Variants in C16orf96 observed in about 807,000 individuals in gnomAD.
C16orf96 encodes chromosome 16 open reading frame 96, also known as uncharacterized protein C16orf96.
Under a neutral mutation model 103.6 loss-of-function variants are expected in C16orf96, and 108 were observed. That is an observed-to-expected ratio of 1.04 (90% CI 0.89 to 1.22). The LOEUF (loss-of-function observed/expected upper bound fraction) is 1.22, where lower values mean the gene tolerates loss of function less well. Ranked by LOEUF, C16orf96 falls within the 50% of genes most tolerant of loss-of-function variation. The pLI, the probability that C16orf96 is intolerant of heterozygous loss-of-function variation, is 0.00. For synonymous variants in C16orf96, 566 were observed against 593.5 expected, an observed-to-expected ratio of 0.95 and a Z score of 0.67; for missense variants, 1,586 against 1,464.2, an observed-to-expected ratio of 1.08 and a Z score of -1.36.
chr16:4,586,118 G>C (rs1255413924), intron 7 of C16orf96, among the ~76,000 whole-genome samples: 1 of 152,174 alleles, frequency 6.6e-6, no homozygotes. Flanking sequence ...AACTTAGCCA[G>C]GCGTGGTGTT....
chr16:4,574,899 G>T (rs552114198), intron 3 of C16orf96, 73 bp from the exon 4 acceptor site: 8 of 1,527,258 alleles, frequency 5.2e-6, no homozygotes, highest in Admixed American at 2.0e-5. Flanking sequence ...AGCCTGGAAA[G>T]GTTTCTTTGC....
Position 4,576,617 on chromosome 16 carries a change from C to A in C16orf96, c.2137C>A (p.Gln713Lys), listed in dbSNP as rs971143641. ...TGCCCAGCTGTCCTGTAACCTGAAC[C>A]AGCGCTTGAGTTATCTAGGTAGGCC... is the stretch of plus-strand genomic sequence containing the variant. ...EFAQLSCNLN[Q>K]RLSYLANMGG... The change falls in exon 5 of 16, where the codon CAG becomes AAG. Residue 713 changes from glutamine (Q) to lysine (K), a missense_variant. Coordinates refer to ENST00000444310, the MANE Select transcript of C16orf96 (RefSeq NM_001145011.2). 10 of 1,551,040 alleles carry A rather than the reference C, an allele frequency of 6.4e-6. No homozygotes were observed. In the African/African-American group the frequency reaches 1.1e-4, roughly 17 times the overall value.
rs753681940 is a variant in C16orf96, at chr16:4,593,262, G to A, written c.2813G>A (p.Arg938Gln). The A allele has an allele frequency of 2.0e-5, 31 of 1,550,872 alleles. No homozygotes were observed. The East Asian group carries it at 4.4e-4, about 22-fold the overall frequency. ...ITIRKAHLLS[R>Q]LRPASANSCE... Reference sequence around the variant, plus strand: ...ATCCGCAAAGCCCACCTGCTGTCCCGGCTGCGGCCAGCCAGCGCCAACAGC... The same window carrying A: ...ATCCGCAAAGCCCACCTGCTGTCCCAGCTGCGGCCAGCCAGCGCCAACAGC... Residue 938 changes from arginine to glutamine, a missense_variant, in exon 12 of 16, where the codon CGG becomes CAG. Transcript: ENST00000444310. This position sits in a 1 kb window ranked among gnomAD's most constrained non-coding sequence, Gnocchi z 4.2.
In C16orf96 at chr16:4,575,013, G is replaced by C. The variant is rs1472560083; in HGVS notation, c.648G>C (p.Glu216Asp). Residue 216 changes from glutamate (E) to aspartate (D), a missense_variant, in exon 4 of 16, where the codon GAG (glutamate) becomes GAC (aspartate). Transcript: ENST00000444310. The stretch of plus-strand genomic sequence containing the variant: ...AGTTTAAAACCATCCCCAAAACCGA[G>C]GACATGGTGCTCTGGAGTGGCCTTC... Reference protein sequence around the residue: ...QNKFKTIPKTEDMVLWSGLHD... With the variant: ...QNKFKTIPKTDDMVLWSGLHD... The C allele has an allele frequency of 2.6e-6, 4 of 1,551,510 alleles. No individual in the cohort carries two copies. The South Asian group carries it at 4.8e-5, about 18-fold the overall frequency.
In C16orf96 at chr16:4,585,291, C is replaced by CAAA. The variant is rs1555506767; in HGVS notation, c.2353-1729_2353-1727dup. ...CAACATAGTGAGACCCCTGTCTCTA[C>CAAA]AAAAAAAAAAAAAAAAAAAAATCCA... On this transcript the variant is annotated intron_variant, in intron 7 of 15. Coordinates refer to ENST00000444310, the MANE Select transcript of C16orf96 (RefSeq NM_001145011.2). Among the ~76,000 whole-genome samples the CAAA allele has an allele frequency of 3.6e-3, 62 of 17,146 alleles. 2 individuals carry two copies. Among genetic ancestry groups the CAAA allele is most frequent in the Admixed American group, 9.3e-3 (9 of 970 alleles). 11.2% of individuals were successfully genotyped at this position (17,146 alleles called of 152,430 possible).
At chr16:4,572,444 C>T (rs953539156) in intron 2 of C16orf96, among the ~76,000 whole-genome samples, 13 of 151,728 alleles carry the variant, frequency 8.6e-5, no homozygotes, top group East Asian at 1.9e-4. Flanking sequence ...GGACTACAGG[C>T]GCCCGCCCCC....
the C16orf96 span, among the ~76,000 whole-genome samples, chr16:4,543,771 A>G: frequency 1.3e-5 from 2 of 151,956 alleles, no homozygotes; most frequent in African/African-American, 4.8e-5. Context: ...CCATCCAAGT[A>G]GCTGGAATTA....
intron 7 of C16orf96, among the ~76,000 whole-genome samples, chr16:4,580,347 A>G (rs1249368229): frequency 7.7e-6 from 1 of 130,396 alleles, no homozygotes; most frequent in Admixed American, 9.5e-5. Context: ...GGCCGGGACA[A>G]TGTTCGTCTT....
chr16:4,550,047 A>G, the C16orf96 span, among the ~76,000 whole-genome samples: 3 of 151,074 alleles, frequency 2.0e-5, no homozygotes, highest in East Asian at 5.8e-4. Flanking sequence ...CTGTTTCTGT[A>G]TCTTCTGTTA....
chr16:4,561,595 G>A (rs913519212), intron 1 of C16orf96: 2 of 152,278 alleles, frequency 1.3e-5, no homozygotes, highest in African/African-American at 4.8e-5. Context: ...AGGGGCTCGT[G>A]GACAGGTTCA....
chr16:4,581,526 A>G (rs1474761380), intron 7 of C16orf96, among the ~76,000 whole-genome samples: 2 of 151,018 alleles, frequency 1.3e-5, no homozygotes, highest in Non-Finnish European at 1.5e-5. Flanking sequence ...CCAGCTACTC[A>G]GGAGGCTGAG....
At chr16:4,550,828 C>G in the C16orf96 span, among the ~76,000 whole-genome samples, 6 of 152,216 alleles carry the variant, frequency 3.9e-5, no homozygotes, top group African/African-American at 1.4e-4. Flanking sequence ...TATATTCAGG[C>G]CAGATTTTTT....
the C16orf96 span, among the ~76,000 whole-genome samples, chr16:4,547,572 A>G: frequency 2.0e-5 from 3 of 152,082 alleles, no homozygotes; most frequent in Non-Finnish European, 2.9e-5. Flanking sequence ...GCTAATGGGT[A>G]CAGGTTTTCT....
At chr16:4,587,974 T>C (rs1896968082) in intron 8 of C16orf96, among the ~76,000 whole-genome samples, 193 bp from the exon 9 acceptor site, 4 of 152,092 alleles carry the variant, frequency 2.6e-5, no homozygotes, top group Admixed American at 1.3e-4. Flanking sequence ...TCAACTTCCC[T>C]GTTATAGGAA....
chr16:4,600,193 T>C lies in C16orf96; in HGVS notation c.3302T>C (p.Leu1101Pro). The change falls in exon 16 of 16, where the codon CTG becomes CCG. Residue 1101 changes from leucine (L) to proline (P), a missense_variant. Coordinates refer to ENST00000444310, the MANE Select transcript of C16orf96 (RefSeq NM_001145011.2). Reference sequence around the variant, plus strand: ...CCTTCCCTGCCACCTCTGCTGCTGCTGCCACCGCTGATTCCATCCCTAAGG... The same window carrying C: ...CCTTCCCTGCCACCTCTGCTGCTGCCGCCACCGCTGATTCCATCCCTAAGG... ...RPPSLPPLLLLPPLIPSLRDP... is the reference protein window; with the variant it reads ...RPPSLPPLLLPPPLIPSLRDP... 6.4e-7 allele frequency: 1 copy of C among 1,551,532 alleles called. No individual in the cohort carries two copies. The highest frequency in any genetic ancestry group is 1.2e-5 in the South Asian group (1 of 84,062).
chr16:4,563,048 A>G (rs1444941241), intron 1 of C16orf96: 2 of 890,216 alleles, frequency 2.2e-6, no homozygotes, highest in African/African-American at 1.7e-5. Flanking sequence ...AGAAGATGAC[A>G]GAGCTCTCCA....
intron 1 of C16orf96, among the ~76,000 whole-genome samples, chr16:4,568,900 G>A (rs1413943592): frequency 1.3e-5 from 2 of 152,010 alleles, no homozygotes; most frequent in African/African-American, 4.8e-5. Flanking sequence ...AAAATGCTGG[G>A]ATTACAGATG....
chr16:4,545,029 T>C, the C16orf96 span, among the ~76,000 whole-genome samples: 13 of 152,298 alleles, frequency 8.5e-5, 1 homozygote, highest in East Asian at 2.1e-3. Flanking sequence ...CAGGTATTCA[T>C]ATCATAGCAT....
chr16:4,580,603 T>G (rs2059573364), intron 7 of C16orf96, among the ~76,000 whole-genome samples: 1 of 151,970 alleles, frequency 6.6e-6, no homozygotes, highest in South Asian at 2.1e-4. Flanking sequence ...TCCCAGCGCT[T>G]TGGGAATCTG....
Sources: allele counts gnomAD v4.1 joint callset (sites outside exome capture counted in the v4.1 genomes callset), GRCh38; gene constraint gnomAD v4.1.1; non-coding constraint Gnocchi (gnomAD v3.1); transcripts MANE v1.5; gene names NCBI Gene and HGNC (gene_info 2026-07-23, HGNC 2026-07-21).